PXDNL: variants seen among roughly 807,000 people sequenced by gnomAD.
PXDNL encodes the protein probable oxidoreductase PXDNL.
PXDNL carries 145 observed loss-of-function variants against 150.8 expected under a neutral mutation model. That is an observed-to-expected ratio of 0.96 (90% CI 0.84 to 1.10). PXDNL has a LOEUF of 1.10. Ranked by LOEUF, PXDNL falls within the 50% of genes least tolerant of loss-of-function variation. The probability of loss-of-function intolerance (pLI) is 0.00; values close to 1 mark genes in which losing one functional copy is unlikely to be tolerated. For missense variants in PXDNL, 2,087 were observed against 1,873.9 expected (o/e 1.11, Z -2.10); for synonymous variants, 757 against 725.7 (o/e 1.04, Z -0.69).
intron 1 of PXDNL, among the ~76,000 whole-genome samples, chr8:51,709,277 C>T (rs1336719874): frequency 7.3e-5 from 11 of 149,952 alleles, no homozygotes; most frequent in East Asian, 2.0e-4. Context: ...CTTTTTGAGA[C>T]GGAGTCTCAC....
At chr8:51,358,032 A>G (rs1022255428) in intron 19 of PXDNL, among the ~76,000 whole-genome samples, 1 of 152,220 alleles carries the variant, frequency 6.6e-6, no homozygotes, top group Non-Finnish European at 1.5e-5. Flanking sequence ...GATTCATTAT[A>G]AAAAAGAAAG....
intron 20 of PXDNL, among the ~76,000 whole-genome samples, chr8:51,341,034 A>G (rs1805970914): frequency 6.6e-6 from 1 of 152,252 alleles, no homozygotes; most frequent in South Asian, 2.1e-4. Flanking sequence ...GTGAGCCCAG[A>G]TGTTGTGGAG....
intron 21 of PXDNL, among the ~76,000 whole-genome samples, chr8:51,323,825 A>G (rs922604368): frequency 6.6e-6 from 1 of 151,962 alleles, no homozygotes; most frequent in Non-Finnish European, 1.5e-5. Flanking sequence ...CTGAGGCAGG[A>G]TAATCATTTG....
At chr8:51,724,347 T>C (rs781163056) in intron 1 of PXDNL, among the ~76,000 whole-genome samples, 2 of 152,002 alleles carry the variant, frequency 1.3e-5, no homozygotes, top group Non-Finnish European at 2.9e-5. Context: ...TCAGAGGAGA[T>C]TGGGAAGCAC....
At chr8:51,535,571 C>T (rs1171499050) in intron 4 of PXDNL, among the ~76,000 whole-genome samples, 1 of 129,800 alleles carries the variant, frequency 7.7e-6, no homozygotes, top group Non-Finnish European at 1.6e-5. Context: ...CCCAGGGACA[C>T]AAACACTGCG....
chr8:51,761,964 T>A (rs575494025), intron 1 of PXDNL, among the ~76,000 whole-genome samples: 1 of 152,110 alleles, frequency 6.6e-6, no homozygotes, highest in Non-Finnish European at 1.5e-5. Context: ...AATCTTAGAG[T>A]GTAGGATTAA....
At chr8:51,349,235 C>T (rs1004461635) in intron 19 of PXDNL, among the ~76,000 whole-genome samples, 1 of 152,008 alleles carries the variant, frequency 6.6e-6, no homozygotes, top group Non-Finnish European at 1.5e-5. Flanking sequence ...CCCACCCTGA[C>T]GCTGCTCCTG....
intron 1 of PXDNL, among the ~76,000 whole-genome samples, chr8:51,772,080 CCCTCT>C (rs2037302208): frequency 6.6e-6 from 1 of 152,064 alleles, no homozygotes; most frequent in Non-Finnish European, 1.5e-5. Context: ...TGGTGTCTCT[CCCTCT>C]CCTGCTCACC....
chr8:51,428,379 G>T (rs1440392947), intron 12 of PXDNL, among the ~76,000 whole-genome samples: 6 of 152,138 alleles, frequency 3.9e-5, no homozygotes, highest in South Asian at 2.1e-4. Flanking sequence ...AATTTATGCA[G>T]AAATGCAAAG....
chr8:51,390,111 T>C (rs565108284), intron 17 of PXDNL, among the ~76,000 whole-genome samples: 1 of 152,242 alleles, frequency 6.6e-6, no homozygotes, highest in Admixed American at 6.5e-5. Context: ...GAAGTACCAA[T>C]CATTGTTAAT....
intron 19 of PXDNL, among the ~76,000 whole-genome samples, chr8:51,366,868 C>T (rs945096366): frequency 1.9e-4 from 29 of 151,744 alleles, no homozygotes; most frequent in Admixed American, 1.7e-3. Context: ...TTTGGGAGGC[C>T]GAGGCAGGCA....
chr8:51,556,848 C>T lies in PXDNL; in HGVS notation c.372G>A (p.Leu124=). ...DKQTFKGLIS[L]EHLYIHFNQL... ...AAGTTTCTATTACTTACAGATGTTC[C>T]AAAGATATGAGTCCTTTAAATGTTT... The change falls in exon 4 of 23, where the codon TTG becomes TTA. Residue 124 remains leucine, a synonymous_variant. Transcript: ENST00000356297. The T allele has an allele frequency of 6.4e-7, 1 of 1,569,958 alleles. No individual in the cohort carries two copies. Among genetic ancestry groups the T allele is most frequent in the Non-Finnish European group, 8.8e-7 (1 of 1,141,270 alleles).
intron 20 of PXDNL, among the ~76,000 whole-genome samples, chr8:51,344,193 C>T (rs1806074750): frequency 6.6e-6 from 1 of 152,070 alleles, no homozygotes; most frequent in Non-Finnish European, 1.5e-5. Context: ...GAACCTCAAA[C>T]TCCTTAGCTC....
chr8:51,579,710 T>C (rs1308774392), intron 3 of PXDNL, among the ~76,000 whole-genome samples: 4 of 152,062 alleles, frequency 2.6e-5, no homozygotes, highest in Admixed American at 2.6e-4. Context: ...AGCCAGAAAC[T>C]GGAAATAACT....
At chr8:51,708,166 C>T (rs1412484134) in intron 1 of PXDNL, among the ~76,000 whole-genome samples, 1 of 152,160 alleles carries the variant, frequency 6.6e-6, no homozygotes, top group African/African-American at 2.4e-5. Flanking sequence ...AGTTTTTGTC[C>T]TCTCAAAATT....
At chr8:51,321,383 C>G (rs1483325279) in intron 21 of PXDNL, among the ~76,000 whole-genome samples, 2 of 152,188 alleles carry the variant, frequency 1.3e-5, no homozygotes, top group Non-Finnish European at 2.9e-5. Context: ...TAAACCACAG[C>G]TATAAGCCTT....
chr8:51,357,529 A>G (rs1806549315), intron 19 of PXDNL, among the ~76,000 whole-genome samples: 1 of 152,234 alleles, frequency 6.6e-6, no homozygotes, highest in Non-Finnish European at 1.5e-5. Context: ...ATGCATTTGC[A>G]CATATTTTTT....
intron 3 of PXDNL, among the ~76,000 whole-genome samples, chr8:51,565,282 C>CTAAATAAA (rs60659791): frequency 0.21 from 28,052 of 131,904 alleles, 3,643 homozygotes; most frequent in East Asian, 0.32. Flanking sequence ...ATATCTTTTC[C>CTAAATAAA]TAAATAAATA....
At chr8:51,364,899 T>A (rs1387372508) in intron 19 of PXDNL, among the ~76,000 whole-genome samples, 1 of 152,208 alleles carries the variant, frequency 6.6e-6, no homozygotes, top group Non-Finnish European at 1.5e-5. Flanking sequence ...TTATAGCAGA[T>A]AATACTGTAA....
Sources: allele counts gnomAD v4.1 joint callset (sites outside exome capture counted in the v4.1 genomes callset), GRCh38; gene constraint gnomAD v4.1.1; transcripts MANE v1.5; gene names NCBI Gene and HGNC (gene_info 2026-07-23, HGNC 2026-07-21).